FNDC1: variants seen among roughly 807,000 people sequenced by gnomAD.
FNDC1 encodes the protein fibronectin type III domain containing 1, also known as fibronectin type III domain-containing protein 1.
A neutral mutation model predicts 168.0 loss-of-function variants in FNDC1; 96 were observed. That is an observed-to-expected ratio of 0.57 (90% CI 0.48 to 0.68). The LOEUF (loss-of-function observed/expected upper bound fraction) is 0.68, where lower values mean the gene tolerates loss of function less well. FNDC1 is among the 30% of genes least tolerant of loss of function. The probability of loss-of-function intolerance (pLI) is 0.00; values close to 1 mark genes in which losing one functional copy is unlikely to be tolerated. For synonymous variants in FNDC1, 1,099 were observed against 1,025.9 expected (o/e 1.07, Z -1.36); for missense variants, 2,587 against 2,482.1 (o/e 1.04, Z -0.90).
chr6:159,191,581 C>T (rs900798566), intron 1 of FNDC1, among the ~76,000 whole-genome samples: 3 of 152,126 alleles, frequency 2.0e-5, no homozygotes, highest in African/African-American at 7.2e-5. Context: ...TTATCTACAA[C>T]GATTATGTGA....
In FNDC1 at chr6:159,249,050, G is replaced by C; in HGVS notation, c.4702G>C (p.Glu1568Gln). The change falls in exon 16 of 23, where the codon GAG (glutamate) becomes CAG (glutamine). Residue 1568 changes from glutamate (E) to glutamine (Q), a missense_variant. Glu to Gln is a conservative substitution (Grantham distance 29). Coordinates refer to ENST00000297267, the MANE Select transcript of FNDC1 (RefSeq NM_032532.3). ...YVIYDEDYEF[E>Q]TSRPPTTTEP... ...TCATATCATTTCAGATTATGAATTT[G>C]AGACGTCAAGGCCACCAACCACCAC... is the stretch of plus-strand genomic sequence containing the variant. 1 of 1,598,248 alleles carries C rather than the reference G, an allele frequency of 6.3e-7. No homozygotes were observed. Among genetic ancestry groups the C allele is most frequent in the Non-Finnish European group, 8.5e-7 (1 of 1,172,282 alleles).
Position 159,265,000 on chromosome 6 carries a change from C to T in FNDC1, c.5280C>T (p.Pro1760=), listed in dbSNP as rs375347761. 1.6e-4 allele frequency: 254 copies of T among 1,605,820 alleles called. No homozygotes were observed. Among genetic ancestry groups the T allele is most frequent in the Middle Eastern group, 3.3e-4 (2 of 6,048 alleles). ...ESDNPLLVVR[P]PGGEPIWIPF... ...ATAATCCTCTGCTTGTTGTGAGGCCCCCAGGTAAGTTTATGTTCTTGATAA... is the reference window on the plus strand; with the variant it reads ...ATAATCCTCTGCTTGTTGTGAGGCCTCCAGGTAAGTTTATGTTCTTGATAA... The change falls in exon 20 of 23, where the codon CCC becomes CCT. Residue 1760 remains proline, a synonymous_variant. Transcript: ENST00000297267.
chr6:159,205,505 C>T, intron 4 of FNDC1, among the ~76,000 whole-genome samples: 1 of 152,206 alleles, frequency 6.6e-6, no homozygotes, highest in East Asian at 1.9e-4. Context: ...ACACTGTTCA[C>T]CTCTGAACAC....
chr6:159,176,538 GGTCGAGGAA>G (rs1781765132), intron 1 of FNDC1, among the ~76,000 whole-genome samples: 1 of 152,228 alleles, frequency 6.6e-6, no homozygotes, highest in African/African-American at 2.4e-5. Flanking sequence ...GGACATCTCT[GGTCGAGGAA>G]CAGACCCTGC....
chr6:159,248,878 T>C (rs1369183555), intron 15 of FNDC1, among the ~76,000 whole-genome samples, 161 bp from the exon 16 acceptor site: 1 of 152,176 alleles, frequency 6.6e-6, no homozygotes, highest in Non-Finnish European at 1.5e-5. Context: ...TAGAAACAAA[T>C]TACGTTTGGG....
At chr6:159,202,748 C>T (rs749438746) in intron 4 of FNDC1, among the ~76,000 whole-genome samples, 8 of 152,244 alleles carry the variant, frequency 5.3e-5, no homozygotes, top group African/African-American at 1.9e-4. Flanking sequence ...TTATTACAGG[C>T]GGAGGTCTAG....
At position 159,182,576 on chromosome 6, in the gene FNDC1, A is replaced by C. The variant is rs368533477; in HGVS notation, c.109+12871A>C. ...TTCTTGTTAGTGGCACTCAGCTGATAGTAAATGCCTGATACCCTCACTCTT... is the reference window on the plus strand; with the variant it reads ...TTCTTGTTAGTGGCACTCAGCTGATCGTAAATGCCTGATACCCTCACTCTT... On this transcript the variant is annotated intron_variant, in intron 1 of 22. Transcript: ENST00000297267. Among the ~76,000 whole-genome samples the C allele has an allele frequency of 3.8e-4, 58 of 152,328 alleles. No homozygotes were observed. The South Asian group carries it at 0.011, about 29-fold the overall frequency.
chr6:159,233,907 CG>C lies in FNDC1; in HGVS notation c.3397del (p.Ala1133ProfsTer108). 1 of 1,547,454 alleles carries C rather than the reference CG, an allele frequency of 6.5e-7. No individual in the cohort carries two copies. The highest frequency in any genetic ancestry group is 1.2e-5 in the South Asian group (1 of 83,886). ...GACCACAGGTCCCAGCGCGGACATG[CG>C]GCCTCCCCCGCCAGGCCCAGCCGAC... ...GGDHRSQRGH[A>X]ASPARPSRPG... On this transcript the variant is annotated frameshift_variant, in exon 11 of 23. Transcript: ENST00000297267. LOFTEE classifies it high-confidence loss of function. This position sits in a 1 kb window ranked among gnomAD's most constrained non-coding sequence, Gnocchi z 4.6.
At chr6:159,230,542 A>C (rs141600465) in intron 10 of FNDC1, among the ~76,000 whole-genome samples, 72 of 152,324 alleles carry the variant, frequency 4.7e-4, no homozygotes, top group Middle Eastern at 3.4e-3. Context: ...TAAAATTTAA[A>C]AATAAGATAA....
chr6:159,174,806 C>G (rs1490318547), intron 1 of FNDC1, among the ~76,000 whole-genome samples: 1 of 152,220 alleles, frequency 6.6e-6, no homozygotes, highest in Non-Finnish European at 1.5e-5. Context: ...ACCAAAGATG[C>G]AGCAGCTGGA....
At chr6:159,213,132 A>G (rs1782638974) in intron 4 of FNDC1, among the ~76,000 whole-genome samples, 1 of 152,246 alleles carries the variant, frequency 6.6e-6, no homozygotes, top group Admixed American at 6.5e-5. Flanking sequence ...CCTGTCCCCA[A>G]AGCTGTTCAG....
intron 20 of FNDC1, among the ~76,000 whole-genome samples, chr6:159,265,855 G>A (rs1438610581): frequency 2.0e-5 from 3 of 152,162 alleles, no homozygotes; most frequent in African/African-American, 7.2e-5. Flanking sequence ...TTGAACCCGG[G>A]AGGTGGAGGT....
chr6:159,269,353 TTATC>T (rs1311691729), intron 22 of FNDC1, among the ~76,000 whole-genome samples: 2 of 37,048 alleles, frequency 5.4e-5, no homozygotes, highest in East Asian at 1.4e-3. Context: ...ATCCATTTGT[TTATC>T]TAGGTATCCA....
rs1363504335 is a variant in FNDC1, at chr6:159,266,119, C to T, written c.5320C>T (p.His1774Tyr). 4.3e-6 allele frequency: 7 copies of T among 1,613,814 alleles called. No individual in the cohort carries two copies. The highest frequency in any genetic ancestry group is 1.6e-4 in the Middle Eastern group (1 of 6,072). Reference sequence around the variant, plus strand: ...TATCTGGATCCCATTCGCTTTCAAACATGATCCCAGCTACACGGACTGCCA... The same window carrying T: ...TATCTGGATCCCATTCGCTTTCAAATATGATCCCAGCTACACGGACTGCCA... ...EPIWIPFAFK[H>Y]DPSYTDCHGR... Residue 1774 changes from histidine to tyrosine, a missense_variant, in exon 21 of 23, where the codon CAT becomes TAT. His to Tyr is a moderately conservative substitution (Grantham distance 83). Transcript: ENST00000297267.
At position 159,190,152 on chromosome 6, in the gene FNDC1, C is replaced by T. The variant is rs373926661; in HGVS notation, c.110-7279C>T. ...GGTGGCGCGAGGTGGTCCTCATCCTCGCCCTGAGGGGCAGCCACAGCTTGA... is the reference window on the plus strand; with the variant it reads ...GGTGGCGCGAGGTGGTCCTCATCCTTGCCCTGAGGGGCAGCCACAGCTTGA... On this transcript the variant is annotated intron_variant, in intron 1 of 22. Coordinates refer to ENST00000297267, the MANE Select transcript of FNDC1 (RefSeq NM_032532.3). 2.5e-4 allele frequency among the ~76,000 whole-genome samples: 38 copies of T among 152,286 alleles called. 1 individual carries two copies. The highest frequency in any genetic ancestry group is 7.5e-4 in the African/African-American group (31 of 41,548).
chr6:159,206,472 G>T (rs1583870367), intron 4 of FNDC1, among the ~76,000 whole-genome samples: 1 of 152,222 alleles, frequency 6.6e-6, no homozygotes, highest in Non-Finnish European at 1.5e-5. Context: ...ATTGCACAGT[G>T]GGTGCTCAGG....
intron 1 of FNDC1, among the ~76,000 whole-genome samples, chr6:159,178,270 C>T (rs904991056): frequency 6.6e-6 from 1 of 152,202 alleles, no homozygotes; most frequent in Non-Finnish European, 1.5e-5. Flanking sequence ...TCCTTATTTT[C>T]GCTTTAAAAG....
At chr6:159,201,894 C>T (rs1051766402) in intron 4 of FNDC1, among the ~76,000 whole-genome samples, 2 of 152,126 alleles carry the variant, frequency 1.3e-5, no homozygotes, top group South Asian at 2.1e-4. Context: ...AGCTTTAGAA[C>T]AAGTGATTTT....
chr6:159,255,410 T>C (rs1777352707), intron 17 of FNDC1, among the ~76,000 whole-genome samples: 2 of 152,126 alleles, frequency 1.3e-5, no homozygotes, highest in Admixed American at 6.5e-5. Flanking sequence ...GTGTCCTCCA[T>C]GGTGGGCCAG....
Sources: allele counts gnomAD v4.1 joint callset (sites outside exome capture counted in the v4.1 genomes callset), GRCh38; gene constraint gnomAD v4.1.1; non-coding constraint Gnocchi (gnomAD v3.1); transcripts MANE v1.5; gene names NCBI Gene and HGNC (gene_info 2026-07-23, HGNC 2026-07-21).